Variants in SUGCT observed in about 807,000 individuals in gnomAD.
SUGCT encodes the protein succinyl-CoA:glutarate-CoA transferase.
In SUGCT, 41 loss-of-function variants were observed where a neutral mutation model predicts 55.0. The ratio of observed to expected loss-of-function variants is 0.74; its 90% CI spans 0.58 to 0.97. The LOEUF (loss-of-function observed/expected upper bound fraction) is 0.97. Among genes scored for constraint, SUGCT ranks in the 50% least tolerant of loss-of-function variants. SUGCT has a pLI of 0.00. For missense variants in SUGCT, 568 were observed against 547.8 expected, an observed-to-expected ratio of 1.04 and a Z score of -0.37; for synonymous variants, 187 against 200.4, an observed-to-expected ratio of 0.93 and a Z score of 0.56.
Position 40,692,462 on chromosome 7 carries a change from T to G in SUGCT, c.1090-56972T>G, listed in dbSNP as rs757893108. 1.3e-4 allele frequency among the ~76,000 whole-genome samples: 20 copies of G among 152,146 alleles called. 1 individual carries two copies. Among genetic ancestry groups the G allele is most frequent in the Non-Finnish European group, 2.4e-4 (16 of 68,014 alleles). On this transcript the variant is annotated intron_variant, in intron 12 of 13. Transcript: ENST00000335693. The stretch of plus-strand genomic sequence containing the variant: ...AATTTGAAAGCTTGACAGTCCTGAT[T>G]TTTTGGACTTCCGTGGTACAGCCAG...
chr7:40,402,642 T>A (rs1203622435), intron 9 of SUGCT, among the ~76,000 whole-genome samples: 1 of 152,176 alleles, frequency 6.6e-6, no homozygotes, highest in Non-Finnish European at 1.5e-5. Flanking sequence ...AGGTTTTCTC[T>A]TTTTGGCTTA....
intron 9 of SUGCT, among the ~76,000 whole-genome samples, chr7:40,325,971 C>G (rs893706701): frequency 7.7e-6 from 1 of 130,582 alleles, no homozygotes; most frequent in Admixed American, 9.4e-5. Context: ...TAACAAATGT[C>G]AAGTTTATTA....
At chr7:40,993,403 G>T in the SUGCT span, among the ~76,000 whole-genome samples, 1 of 152,180 alleles carries the variant, frequency 6.6e-6, no homozygotes, top group Non-Finnish European at 1.5e-5. Context: ...GAATGCGAGA[G>T]GCTTACAAAT....
chr7:40,448,287 C>T (rs761639130), intron 9 of SUGCT, among the ~76,000 whole-genome samples: 1 of 138,286 alleles, frequency 7.2e-6, no homozygotes, highest in Non-Finnish European at 1.5e-5. Flanking sequence ...CTTCTCCCTT[C>T]TTTCTATCTA....
intron 12 of SUGCT, among the ~76,000 whole-genome samples, chr7:40,532,503 C>T (rs914917239): frequency 1.3e-5 from 2 of 151,378 alleles, no homozygotes; most frequent in Non-Finnish European, 2.9e-5. Flanking sequence ...TCAAGTCTGA[C>T]ACCCTGAACT....
At chr7:40,800,155 C>T (rs1790739308) in intron 13 of SUGCT, among the ~76,000 whole-genome samples, 2 of 152,132 alleles carry the variant, frequency 1.3e-5, no homozygotes, top group African/African-American at 4.8e-5. Flanking sequence ...CTTTACATAA[C>T]GTTGGGGGCT....
intron 9 of SUGCT, among the ~76,000 whole-genome samples, chr7:40,424,670 CTAT>C (rs1787491086): frequency 1.3e-5 from 2 of 152,068 alleles, no homozygotes; most frequent in East Asian, 1.9e-4. Context: ...AATTTAACTA[CTAT>C]TATTATTTAA....
the SUGCT span, among the ~76,000 whole-genome samples, chr7:40,874,461 T>C: frequency 2.9e-4 from 44 of 152,334 alleles, no homozygotes; most frequent in African/African-American, 1.0e-3. Flanking sequence ...AGACATTTTC[T>C]TTTCAGTTTT....
chr7:40,815,563 C>T (rs1256333092), intron 13 of SUGCT, among the ~76,000 whole-genome samples: 1 of 152,072 alleles, frequency 6.6e-6, no homozygotes, highest in Non-Finnish European at 1.5e-5. Context: ...ACCAAGTTCT[C>T]TGCTCGGGAG....
intron 11 of SUGCT, 97 bp downstream of exon 11, chr7:40,459,295 A>C (rs1241539589): frequency 1.3e-6 from 1 of 766,874 alleles, no homozygotes; most frequent in African/African-American, 1.8e-5. Context: ...ATTTGAGATC[A>C]ATTTGTAATT....
At chr7:40,998,673 G>T in the SUGCT span, among the ~76,000 whole-genome samples, 1 of 152,114 alleles carries the variant, frequency 6.6e-6, no homozygotes, top group Admixed American at 6.5e-5. Flanking sequence ...CTAGAGTATT[G>T]GTGTCTTCTA....
chr7:40,813,559 T>C (rs184056574), intron 13 of SUGCT, among the ~76,000 whole-genome samples: 1 of 152,200 alleles, frequency 6.6e-6, no homozygotes, highest in African/African-American at 2.4e-5. Flanking sequence ...TGCCTTCTTT[T>C]GTGTGGTGGA....
At chr7:40,919,622 G>C in the SUGCT span, among the ~76,000 whole-genome samples, 2 of 152,130 alleles carry the variant, frequency 1.3e-5, no homozygotes, top group South Asian at 4.2e-4. Context: ...CCAACCCAAG[G>C]TTTCTTAATT....
intron 11 of SUGCT, among the ~76,000 whole-genome samples, chr7:40,483,103 G>A (rs1791145138): frequency 6.6e-6 from 1 of 152,050 alleles, no homozygotes. Flanking sequence ...TTCTGTTTAC[G>A]GTAGAAATGC....
intron 9 of SUGCT, among the ~76,000 whole-genome samples, chr7:40,358,481 G>C (rs567595547): frequency 1.7e-4 from 26 of 152,186 alleles, no homozygotes; most frequent in South Asian, 6.2e-4. Context: ...GGGAGGCCGA[G>C]ATGAGTGGAT....
At chr7:40,379,388 G>T (rs997214886) in intron 9 of SUGCT, among the ~76,000 whole-genome samples, 3 of 152,112 alleles carry the variant, frequency 2.0e-5, no homozygotes, top group African/African-American at 7.2e-5. Flanking sequence ...AATTTCTATT[G>T]ACTACTTCTT....
intron 12 of SUGCT, among the ~76,000 whole-genome samples, chr7:40,555,900 T>TA (rs1795536452): frequency 6.6e-6 from 1 of 152,110 alleles, no homozygotes; most frequent in African/African-American, 2.4e-5. Flanking sequence ...GTGACTCCTT[T>TA]AACCAGGGGA....
intron 12 of SUGCT, among the ~76,000 whole-genome samples, chr7:40,632,044 C>T (rs1799812675): frequency 6.6e-6 from 1 of 152,118 alleles, no homozygotes; most frequent in African/African-American, 2.4e-5. Flanking sequence ...ATGCTAGCGC[C>T]CCAGGAGCAG....
At chr7:40,708,124 C>A (rs1442404229) in intron 12 of SUGCT, among the ~76,000 whole-genome samples, 1 of 152,184 alleles carries the variant, frequency 6.6e-6, no homozygotes, top group Non-Finnish European at 1.5e-5. Flanking sequence ...GTCTCCACAG[C>A]ACCATTTAAA....
Sources: allele counts gnomAD v4.1 joint callset (sites outside exome capture counted in the v4.1 genomes callset), GRCh38; gene constraint gnomAD v4.1.1; transcripts MANE v1.5; gene names NCBI Gene and HGNC (gene_info 2026-07-23, HGNC 2026-07-21).